The following ZER1 variants were observed in gnomAD, a reference collection of about 807,000 sequenced individuals.
ZER1 encodes the protein zyg-11 related cell cycle regulator, also known as protein zer-1 homolog.
ZER1 carries 11 observed loss-of-function variants against 78.8 expected under a neutral mutation model. The observed-to-expected ratio is 0.14, with a 90% CI of 0.09 to 0.23. ZER1 has a LOEUF of 0.23. Ranked by LOEUF, ZER1 falls within the 10% of genes least tolerant of loss-of-function variation. The pLI is 1.00. For missense variants in ZER1, 588 were observed against 996.9 expected, an observed-to-expected ratio of 0.59 and a Z score of 5.52; for synonymous variants, 400 against 407.0, an observed-to-expected ratio of 0.98 and a Z score of 0.21.
At chr9:128,766,919 CTTATTTAT>C (rs71381802) in intron 1 of ZER1, among the ~76,000 whole-genome samples, 3 of 137,914 alleles carry the variant, frequency 2.2e-5, no homozygotes, top group Admixed American at 7.7e-5. Flanking sequence ...TCACAGATAA[CTTATTTAT>C]TTATTTATTT....
At position 128,755,761 on chromosome 9, in the gene ZER1, A is replaced by G; in HGVS notation, c.-94-102T>C. The G allele has an allele frequency of 1.5e-6, 1 of 681,302 alleles. No individual in the cohort carries two copies. The highest frequency in any genetic ancestry group is 2.4e-6 in the Non-Finnish European group (1 of 421,834). The allele number at this position is 681,302 out of a possible 1,614,324, so 42.2% of individuals were successfully genotyped here. A position where few individuals can be genotyped will look rare whatever the true frequency, so the allele number is the denominator to read the frequency against. On this transcript the variant is annotated intron_variant, in intron 1 of 15. Transcript: ENST00000291900. This position sits in a 1 kb window ranked among gnomAD's most constrained non-coding sequence, Gnocchi z 5.6. ...GTAGGGAAACTGAGACCACACTCCA[A>G]TTAGCAGCTTAGCAGGGCCAGGCCC...
chr9:128,764,994 C>T lies in ZER1; in HGVS notation c.-95+6587G>A, dbSNP rs73618092. Among the ~76,000 whole-genome samples, 1,433 of 152,312 alleles carry T rather than the reference C, an allele frequency of 9.4e-3. 17 individuals are homozygous for T. Among genetic ancestry groups the T allele is most frequent in the African/African-American group, 0.031 (1,303 of 41,564 alleles). On this transcript the variant is annotated intron_variant, in intron 1 of 15. Coordinates refer to ENST00000291900, the MANE Select transcript of ZER1 (RefSeq NM_006336.4). ...AGCAGCAGAAGGCACCGCCATACCA[C>T]GTCCATGTTGGCTGCTTCCAGATGT...
rs776206232 is a variant in ZER1 at position 128,740,098 on chromosome 9, G to C, written c.1875C>G (p.Ala625=). Residue 625 remains alanine (A), a synonymous_variant, in exon 13 of 16, where the codon GCC becomes GCG. Transcript: ENST00000291900. This position sits in a 1 kb window ranked among gnomAD's most constrained non-coding sequence, Gnocchi z 4.4. Reference sequence around the variant, plus strand: ...CATTGTAGGAAACCTCGATCCCATCGGCCTTGCTCTCCAACAGGTTGCTGC... The same window carrying C: ...CATTGTAGGAAACCTCGATCCCATCCGCCTTGCTCTCCAACAGGTTGCTGC... ...SVFSNLLESK[A]DGIEVSYNAC... 1.9e-6 allele frequency: 3 copies of C among 1,605,990 alleles called. No homozygotes were observed. The highest frequency in any genetic ancestry group is 1.7e-6 in the Non-Finnish European group (2 of 1,173,412).
In ZER1 at chr9:128,751,336, G is replaced by A. The variant is rs910743508; in HGVS notation, c.1039-68C>T. On this transcript the variant is annotated intron_variant, in intron 6 of 15. Transcript: ENST00000291900. The surrounding 1 kb of genome is among the most constrained non-coding windows in gnomAD (Gnocchi z 5.4). ...GGCTGGGATGCCAGATCCCAGCTCA[G>A]TCTCCAGCCCCAGAATCCAGCTCCT... 1.2e-6 allele frequency: 2 copies of A among 1,609,288 alleles called. No individual in the cohort carries two copies. The highest frequency in any genetic ancestry group is 1.1e-5 in the South Asian group (1 of 90,914).
At chr9:128,749,967 C>T (rs980065065) in intron 8 of ZER1, among the ~76,000 whole-genome samples, 1 of 152,168 alleles carries the variant, frequency 6.6e-6, no homozygotes, top group East Asian at 1.9e-4. Context: ...CACTTGAACC[C>T]GGGAGGTGGA....
At chr9:128,761,538 C>G (rs201355527) in intron 1 of ZER1, among the ~76,000 whole-genome samples, 154 of 149,830 alleles carry the variant, frequency 1.0e-3, no homozygotes, top group African/African-American at 3.5e-3. Context: ...CCACCCGCCT[C>G]GCCTCCCAAA....
chr9:128,734,727 A>C (rs1396646985), intron 14 of ZER1, among the ~76,000 whole-genome samples: 2 of 152,162 alleles, frequency 1.3e-5, no homozygotes, highest in East Asian at 3.8e-4. Context: ...GTAAAAATAT[A>C]GATTTCTAAG....
chr9:128,770,335 G>A (rs1334411761), intron 1 of ZER1, among the ~76,000 whole-genome samples: 3 of 151,926 alleles, frequency 2.0e-5, no homozygotes, highest in Non-Finnish European at 4.4e-5. Context: ...TCACCATGTC[G>A]GCCAGGCTGG....
intron 15 of ZER1, 43 bp from the exon 16 acceptor site, chr9:128,731,437 T>TGGGGGGG: frequency 4.4e-6 from 2 of 451,602 alleles, no homozygotes; most frequent in Non-Finnish European, 8.6e-6. Flanking sequence ...TGGGCTTGGG[T>TGGGGGGG]GGGGGTGAGC....
chr9:128,742,558 T>G lies in ZER1; in HGVS notation c.1547A>C (p.Glu516Ala), dbSNP rs1352899729. Residue 516 changes from glutamate (E) to alanine (A), a missense_variant, in exon 9 of 16, where the codon GAG becomes GCG. By Grantham distance (107) the Glu-to-Ala change is moderately radical. Around this residue, in one of 3 missense-constraint regions of ZER1, gnomAD observed 60 missense variants for 163.3 expected, o/e 0.37. Coordinates refer to ENST00000291900, the MANE Select transcript of ZER1 (RefSeq NM_006336.4). ...LVCQVDNDHKEAVGKMGFVVT... is the reference protein window; with the variant it reads ...LVCQVDNDHKAAVGKMGFVVT... Reference sequence around the variant, plus strand: ...GACAAAGCCCATCTTGCCCACGGCCTCCTTGTGGTCGTTGTCTACCTGGCA... The same window carrying G: ...GACAAAGCCCATCTTGCCCACGGCCGCCTTGTGGTCGTTGTCTACCTGGCA... 5 of 1,614,202 alleles carry G rather than the reference T, an allele frequency of 3.1e-6. No homozygotes were observed. In the South Asian group the frequency reaches 5.5e-5, roughly 18 times the overall value.
At chr9:128,746,164 A>G (rs950661770) in intron 8 of ZER1, 2 of 152,240 alleles carry the variant, frequency 1.3e-5, no homozygotes, top group African/African-American at 4.8e-5. Flanking sequence ...TTTACAAGTG[A>G]GGATATATCT....
chr9:128,769,054 T>G (rs1864303319), intron 1 of ZER1, among the ~76,000 whole-genome samples: 1 of 152,124 alleles, frequency 6.6e-6, no homozygotes, highest in African/African-American at 2.4e-5. Context: ...GGGCTCTTTT[T>G]TAAAAGTCCC....
In ZER1 at chr9:128,731,290, T is replaced by C. The variant is rs998960822; in HGVS notation, c.*47A>G. ...CGCTGGGCTGCTTGAGCATGCTTCCTCCCCGCCTGTGGTCCAGAGCGGTGG... is the reference window on the plus strand; with the variant it reads ...CGCTGGGCTGCTTGAGCATGCTTCCCCCCCGCCTGTGGTCCAGAGCGGTGG... On this transcript the variant is annotated 3_prime_UTR_variant, in exon 16 of 16. Coordinates refer to ENST00000291900, the MANE Select transcript of ZER1 (RefSeq NM_006336.4). The C allele has an allele frequency of 6.3e-7, 1 of 1,597,764 alleles. No homozygotes were observed. The highest frequency in any genetic ancestry group is 8.6e-7 in the Non-Finnish European group (1 of 1,168,624).
chr9:128,744,212 G>C (rs1336169126), intron 8 of ZER1, among the ~76,000 whole-genome samples: 1 of 150,984 alleles, frequency 6.6e-6, no homozygotes, highest in African/African-American at 2.4e-5. Flanking sequence ...TTTTGAGATG[G>C]AGTCTCGCTC....
intron 15 of ZER1, 102 bp from the exon 16 acceptor site, chr9:128,731,496 T>C: frequency 1.1e-6 from 1 of 926,400 alleles, no homozygotes; most frequent in Non-Finnish European, 1.7e-6. Flanking sequence ...GTGTTCATAG[T>C]GATGGTGATG....
intron 13 of ZER1, 46 bp downstream of exon 13, chr9:128,739,885 T>C: frequency 6.3e-7 from 1 of 1,575,818 alleles, no homozygotes; most frequent in South Asian, 1.1e-5. Flanking sequence ...GCCCAGCACT[T>C]ACCCCATATT....
At chr9:128,763,449 T>A (rs2096071) in intron 1 of ZER1, among the ~76,000 whole-genome samples, 65,277 of 152,086 alleles carry the variant, frequency 0.43, 14,447 homozygotes, top group East Asian at 0.63. Context: ...TTGTTTGGTA[T>A]CACCTCCCTG....
intron 1 of ZER1, among the ~76,000 whole-genome samples, chr9:128,762,816 G>C (rs1008318582): frequency 2.6e-5 from 4 of 152,166 alleles, no homozygotes; most frequent in Non-Finnish European, 5.9e-5. Context: ...CCTGGGCCCC[G>C]GGCATGGCCT....
At position 128,754,041 on chromosome 9, in the gene ZER1, A is replaced by C. The variant is rs1863779218; in HGVS notation, c.159-82T>G. ...TCAAAGCCAAGCCCTCCTCCCCCTG[A>C]AGCTTTCTTGGATCACCCCAAGTAG... On this transcript the variant is annotated intron_variant, in intron 2 of 15. Transcript: ENST00000291900. This position sits in a 1 kb window ranked among gnomAD's most constrained non-coding sequence, Gnocchi z 4.3. 3 of 1,505,158 alleles carry C rather than the reference A, an allele frequency of 2.0e-6. No homozygotes were observed. Among genetic ancestry groups the C allele is most frequent in the East Asian group, 4.9e-5 (2 of 40,434 alleles). The allele number at this position is 1,505,158 out of a possible 1,614,324, so 93.2% of individuals were successfully genotyped here.
Sources: allele counts gnomAD v4.1 joint callset (sites outside exome capture counted in the v4.1 genomes callset), GRCh38; gene constraint gnomAD v4.1.1; regional missense constraint gnomAD v4.1.1; non-coding constraint Gnocchi (gnomAD v3.1); transcripts MANE v1.5; gene names NCBI Gene and HGNC (gene_info 2026-07-23, HGNC 2026-07-21).